Variants in BCAS3 observed in about 807,000 individuals in gnomAD.
The protein encoded by BCAS3 is BCAS4/BCAS3 fusion.
BCAS3 carries 53 observed loss-of-function variants against 116.1 expected under a neutral mutation model. The ratio of observed to expected loss-of-function variants is 0.46; its 90% confidence interval spans 0.37 to 0.57. BCAS3 has a LOEUF of 0.57. BCAS3 is among the 20% of genes least tolerant of loss of function. The pLI, the probability that BCAS3 is intolerant of heterozygous loss-of-function variation, is 0.00. For missense variants in BCAS3, 917 were observed against 1,165.4 expected, an observed-to-expected ratio of 0.79 and a Z score of 3.10; for synonymous variants, 391 against 408.2, an observed-to-expected ratio of 0.96 and a Z score of 0.51.
chr17:61,278,422 A>G lies in BCAS3; in HGVS notation c.2426-89905A>G, dbSNP rs1013595990. 4.6e-5 allele frequency among the ~76,000 whole-genome samples: 7 copies of G among 151,924 alleles called. No homozygotes were observed. The highest frequency in any genetic ancestry group is 7.4e-5 in the Non-Finnish European group (5 of 67,972). On this transcript the variant is annotated intron_variant, in intron 22 of 23. Transcript: ENST00000407086. The surrounding 1 kb of genome is among the most constrained non-coding windows in gnomAD (Gnocchi z 5.8). ...ACTCCTGGGCTCACATGATCCACCCACCTTGGCCTCCCACAGTGCTGGGTT... is the reference window on the plus strand; with the variant it reads ...ACTCCTGGGCTCACATGATCCACCCGCCTTGGCCTCCCACAGTGCTGGGTT...
rs529156862 is a variant in BCAS3 at position 61,012,886 on chromosome 17, A to G, written c.1487-2865A>G. 6.6e-6 allele frequency among the ~76,000 whole-genome samples: 1 copy of G among 152,164 alleles called. No homozygotes were observed. The highest frequency in any genetic ancestry group is 1.9e-4 in the East Asian group (1 of 5,188). On this transcript the variant is annotated intron_variant, in intron 15 of 23. Coordinates refer to ENST00000407086, the MANE Select transcript of BCAS3 (RefSeq NM_017679.5). This position sits in a 1 kb window ranked among gnomAD's most constrained non-coding sequence, Gnocchi z 4.5. ...GTCAAATTCAATGACTTCAACATCT[A>G]TACTGTTCCCTCGCTGAAGAACTTA...
intron 19 of BCAS3, among the ~76,000 whole-genome samples, chr17:61,058,540 C>A (rs975953164): frequency 6.6e-6 from 1 of 152,074 alleles, no homozygotes; most frequent in Non-Finnish European, 1.5e-5. Flanking sequence ...TCATGTACAC[C>A]TTTAAATATG....
At chr17:60,803,026 T>C (rs758238749) in intron 6 of BCAS3, among the ~76,000 whole-genome samples, 1 of 152,198 alleles carries the variant, frequency 6.6e-6, no homozygotes. Flanking sequence ...CTTGTTAACA[T>C]GTCCCAGAAA....
At chr17:60,897,775 G>T (rs1046203700) in intron 10 of BCAS3, among the ~76,000 whole-genome samples, 1 of 152,070 alleles carries the variant, frequency 6.6e-6, no homozygotes, top group African/African-American at 2.4e-5. Context: ...AAGTTCACTG[G>T]TGCAATCACA....
chr17:61,242,858 A>C (rs902739794), intron 22 of BCAS3, among the ~76,000 whole-genome samples: 13 of 152,032 alleles, frequency 8.6e-5, no homozygotes, highest in African/African-American at 3.1e-4. Context: ...AAAAAACAAA[A>C]AAACCCAAAA....
At chr17:60,779,141 C>T (rs187018252) in intron 6 of BCAS3, among the ~76,000 whole-genome samples, 1 of 152,072 alleles carries the variant, frequency 6.6e-6, no homozygotes, top group East Asian at 1.9e-4. Flanking sequence ...AAATTTGGAG[C>T]CTGTTTGAGC....
At chr17:61,031,435 C>G (rs1486979339) in intron 16 of BCAS3, among the ~76,000 whole-genome samples, 1 of 152,036 alleles carries the variant, frequency 6.6e-6, no homozygotes, top group African/African-American at 2.4e-5. Context: ...CTTTCTTGGA[C>G]TTTTAAAAAC....
In BCAS3 at chr17:61,032,954, C is replaced by T. The variant is rs1351327267; in HGVS notation, c.1638-1712C>T. Among the ~76,000 whole-genome samples the T allele has an allele frequency of 6.6e-6, 1 of 152,088 alleles. No homozygotes were observed. The highest frequency in any genetic ancestry group is 1.5e-5 in the Non-Finnish European group (1 of 68,000). The stretch of plus-strand genomic sequence containing the variant: ...AAGTGGGGAGACCAAAGGGACCAAT[C>T]ATAGTTGCCTCTGATCCAGACTTAG... On this transcript the variant is annotated intron_variant, in intron 16 of 23. Transcript: ENST00000407086. The surrounding 1 kb of genome is among the most constrained non-coding windows in gnomAD (Gnocchi z 4.6).
At position 61,037,892 on chromosome 17, in the gene BCAS3, A is replaced by G. The variant is rs368124165; in HGVS notation, c.1766A>G (p.Gln589Arg). ...GGTTCTGTTTCTCTGTTTGTAGATC[A>G]GTCCAAACAAGTTGTAGTTGAGTCC... ...NNAGLKREKD[Q>R]SKQVVVESLY... is the part of the protein sequence containing the mutation. Residue 589 changes from glutamine to arginine, a missense_variant, in exon 18 of 24, where the codon CAG becomes CGG. Physicochemically the swap from Gln to Arg is conservative, Grantham distance 43. Coordinates refer to ENST00000407086, the MANE Select transcript of BCAS3 (RefSeq NM_017679.5). This position sits in a 1 kb window ranked among gnomAD's most constrained non-coding sequence, Gnocchi z 4.7. 1.9e-6 allele frequency: 3 copies of G among 1,612,796 alleles called. No homozygotes were observed. The African/African-American group carries it at 4.0e-5, about 22-fold the overall frequency.
chr17:60,867,146 G>A lies in BCAS3; in HGVS notation c.477-1430G>A, dbSNP rs190276611. Among the ~76,000 whole-genome samples, 93 of 149,586 alleles carry A rather than the reference G, an allele frequency of 6.2e-4. 1 individual carries two copies. The highest frequency in any genetic ancestry group is 2.1e-3 in the African/African-American group (85 of 40,544). On this transcript the variant is annotated intron_variant, in intron 7 of 23. Coordinates refer to ENST00000407086, the MANE Select transcript of BCAS3 (RefSeq NM_017679.5). ...TTTTTTGAGGCAGTTTCACTCTGTC[G>A]TCCAGGCTGGAGTGCAGTAGCACAA...
At chr17:60,712,158 C>G (rs2038005386) in intron 5 of BCAS3, among the ~76,000 whole-genome samples, 4 of 129,572 alleles carry the variant, frequency 3.1e-5, no homozygotes, top group Admixed American at 2.9e-4. Context: ...GAGTGAGACT[C>G]TGTCTCAAAA....
In BCAS3 at chr17:61,003,402, C is replaced by CCCCTTCCCTT. The variant is rs1159956840; in HGVS notation, c.1487-12342_1487-12333dup. 3.2e-5 allele frequency among the ~76,000 whole-genome samples: 4 copies of CCCCTTCCCTT among 125,750 alleles called. No individual in the cohort carries two copies. The East Asian group carries it at 1.0e-3, about 33-fold the overall frequency. The allele number at this position is 125,750 out of a possible 152,430, so 82.5% of individuals were successfully genotyped here. On this transcript the variant is annotated intron_variant, in intron 15 of 23. Transcript: ENST00000407086. The stretch of plus-strand genomic sequence containing the variant: ...CCCCTCCCCTCCCCTCCCCTCCCCT[C>CCCCTTCCCTT]CCCTTCCCTTCCCTTCTTTTTCTTT...
In BCAS3 at chr17:61,203,039, T is replaced by A. The variant is rs1463913020; in HGVS notation, c.2425+118475T>A. Among the ~76,000 whole-genome samples, 1 of 152,254 alleles carries A rather than the reference T, an allele frequency of 6.6e-6. No homozygotes were observed. The highest frequency in any genetic ancestry group is 2.4e-5 in the African/African-American group (1 of 41,464). Reference sequence around the variant, plus strand: ...TTGTGTGGTTGCTGAAGAAGTTTACTGTGCACTAGCTCTCTCTTCAAAAAA... The same window carrying A: ...TTGTGTGGTTGCTGAAGAAGTTTACAGTGCACTAGCTCTCTCTTCAAAAAA... On this transcript the variant is annotated intron_variant, in intron 22 of 23. Coordinates refer to ENST00000407086, the MANE Select transcript of BCAS3 (RefSeq NM_017679.5). The surrounding 1 kb of genome is among the most constrained non-coding windows in gnomAD (Gnocchi z 5.7).
rs187755735 is a variant in BCAS3 at position 61,007,609 on chromosome 17, C to T, written c.1487-8142C>T. Among the ~76,000 whole-genome samples the T allele has an allele frequency of 1.1e-4, 17 of 151,724 alleles. No individual in the cohort carries two copies. In the East Asian group the frequency reaches 3.3e-3, roughly 29 times the overall value. On this transcript the variant is annotated intron_variant, in intron 15 of 23. Transcript: ENST00000407086. The surrounding 1 kb of genome is among the most constrained non-coding windows in gnomAD (Gnocchi z 4.3). Reference sequence around the variant, plus strand: ...GAAAGTACACTTTTAATTCTAGTGACATTTAATAAGCCCTAGGCAAAGCTC... The same window carrying T: ...GAAAGTACACTTTTAATTCTAGTGATATTTAATAAGCCCTAGGCAAAGCTC...
chr17:60,787,917 CTTT>C (rs76548598), intron 6 of BCAS3, among the ~76,000 whole-genome samples: 1 of 139,840 alleles, frequency 7.2e-6, no homozygotes. Flanking sequence ...TGAATAGTAC[CTTT>C]TTTTTTTTTT....
Position 61,261,465 on chromosome 17 carries a change from G to A in BCAS3, c.2426-106862G>A, listed in dbSNP as rs543905238. Among the ~76,000 whole-genome samples, 2 of 152,208 alleles carry A rather than the reference G, an allele frequency of 1.3e-5. No individual in the cohort carries two copies. The highest frequency in any genetic ancestry group is 1.9e-4 in the East Asian group (1 of 5,184). Reference sequence around the variant, plus strand: ...TTTTTTTATCATTCCTTTCCAGATTGTGTGGGCCACACTGTAGCATTTTGT... The same window carrying A: ...TTTTTTTATCATTCCTTTCCAGATTATGTGGGCCACACTGTAGCATTTTGT... On this transcript the variant is annotated intron_variant, in intron 22 of 23. Transcript: ENST00000407086. This position sits in a 1 kb window ranked among gnomAD's most constrained non-coding sequence, Gnocchi z 4.4.
intron 22 of BCAS3, among the ~76,000 whole-genome samples, chr17:61,103,130 T>A (rs1302024851): frequency 8.5e-5 from 13 of 152,130 alleles, no homozygotes; most frequent in Admixed American, 8.5e-4. Context: ...AGAATCTAAA[T>A]CCCAGAAATT....
Position 61,365,340 on chromosome 17 carries a change from G to A in BCAS3, c.2426-2987G>A, listed in dbSNP as rs956272423. Among the ~76,000 whole-genome samples, 3 of 152,054 alleles carry A rather than the reference G, an allele frequency of 2.0e-5. No individual in the cohort carries two copies. In the South Asian group the frequency reaches 6.2e-4, roughly 32 times the overall value. ...TATAACATTGATTGATTGATTGACT[G>A]ATTGAGTGATTGACTGAGAGTCTCA... On this transcript the variant is annotated intron_variant, in intron 22 of 23. Transcript: ENST00000407086. The surrounding 1 kb of genome is among the most constrained non-coding windows in gnomAD (Gnocchi z 4.6).
rs1268442874 is a variant in BCAS3 at position 61,363,690 on chromosome 17, C to G, written c.2426-4637C>G. ...TGAGAGGGCTTTGTAAATAGCAGAG[C>G]ACTGCTTCAACAAAAGATGTCTGTT... On this transcript the variant is annotated intron_variant, in intron 22 of 23. Transcript: ENST00000407086. This position sits in a 1 kb window ranked among gnomAD's most constrained non-coding sequence, Gnocchi z 4.9. 6.6e-6 allele frequency among the ~76,000 whole-genome samples: 1 copy of G among 151,984 alleles called. No individual in the cohort carries two copies. The highest frequency in any genetic ancestry group is 2.4e-5 in the African/African-American group (1 of 41,346).
Sources: allele counts gnomAD v4.1 joint callset (sites outside exome capture counted in the v4.1 genomes callset), GRCh38; gene constraint gnomAD v4.1.1; non-coding constraint Gnocchi (gnomAD v3.1); transcripts MANE v1.5; gene names NCBI Gene and HGNC (gene_info 2026-07-23, HGNC 2026-07-21).